Variants in LPP observed in about 807,000 individuals in gnomAD.
LPP encodes lipoma-preferred partner.
A neutral mutation model predicts 60.4 loss-of-function variants in LPP; 38 were observed. The observed-to-expected ratio is 0.63, with a 90% CI of 0.49 to 0.83. The LOEUF is 0.83. Ranked by LOEUF, LPP falls within the 40% of genes least tolerant of loss-of-function variation. The pLI is 0.00. For missense variants in LPP, 902 were observed against 783.6 expected, an observed-to-expected ratio of 1.15 and a Z score of -1.80; for synonymous variants, 328 against 290.8, an observed-to-expected ratio of 1.13 and a Z score of -1.30.
chr3:188,622,397 T>C (rs2151576595), intron 7 of LPP, among the ~76,000 whole-genome samples: 1 of 152,352 alleles, frequency 6.6e-6, no homozygotes, highest in Non-Finnish European at 1.5e-5. Context: ...GCACATGAGC[T>C]GCTTACAACG....
chr3:188,371,112 A>G (rs1229465928), intron 3 of LPP, among the ~76,000 whole-genome samples: 1 of 152,054 alleles, frequency 6.6e-6, no homozygotes, highest in Non-Finnish European at 1.5e-5. Context: ...CCTTCTCTGT[A>G]TGGTGCTGTA....
At chr3:188,603,776 T>C (rs12107766) in intron 6 of LPP, among the ~76,000 whole-genome samples, 43,682 of 151,824 alleles carry the variant, frequency 0.29, 6,664 homozygotes, top group Non-Finnish European at 0.33. Context: ...GTCATGAAAA[T>C]ATAATTGAAA....
chr3:188,271,705 T>A (rs1737789976), intron 2 of LPP, among the ~76,000 whole-genome samples: 2 of 152,192 alleles, frequency 1.3e-5, no homozygotes. Flanking sequence ...TTTCTGCTTC[T>A]TTGGGAGAGG....
At chr3:188,155,734 C>T (rs960456577) in intron 1 of LPP, among the ~76,000 whole-genome samples, 2 of 152,142 alleles carry the variant, frequency 1.3e-5, no homozygotes, top group Non-Finnish European at 2.9e-5. Context: ...AGTGTGTGGG[C>T]CAGGCACGGT....
intron 9 of LPP, among the ~76,000 whole-genome samples, chr3:188,843,430 T>C (rs1760540374): frequency 6.6e-6 from 1 of 152,126 alleles, no homozygotes; most frequent in South Asian, 2.1e-4. Flanking sequence ...TCTTCATCAG[T>C]AAAATGTTTG....
intron 5 of LPP, among the ~76,000 whole-genome samples, chr3:188,520,123 A>G (rs1158344086): frequency 2.6e-5 from 4 of 152,236 alleles, no homozygotes; most frequent in Non-Finnish European, 5.9e-5. Context: ...TCAAGTCATA[A>G]TAAGTCCCAA....
At chr3:188,868,748 T>A (rs79265779) in intron 10 of LPP, among the ~76,000 whole-genome samples, 5,475 of 152,318 alleles carry the variant, frequency 0.036, 143 homozygotes, top group Non-Finnish European at 0.049. Context: ...GGGCCTTGTT[T>A]GTGGTCCTTT....
chr3:188,594,568 G>A (rs948404569), intron 6 of LPP, among the ~76,000 whole-genome samples: 2 of 152,136 alleles, frequency 1.3e-5, no homozygotes, highest in East Asian at 3.9e-4. Flanking sequence ...AACATTCCTG[G>A]TAATTAGAAA....
intron 3 of LPP, among the ~76,000 whole-genome samples, chr3:188,363,596 G>A (rs1223257733): frequency 2.6e-5 from 4 of 151,974 alleles, no homozygotes; most frequent in Non-Finnish European, 5.9e-5. Flanking sequence ...GCCCTCCTTC[G>A]ACTGAGCTCT....
Position 188,578,924 on chromosome 3 carries a change from T to C in LPP, c.430-30237T>C, listed in dbSNP as rs1034529761. Among the ~76,000 whole-genome samples the C allele has an allele frequency of 6.6e-5, 10 of 152,300 alleles. 1 individual carries two copies. The highest frequency in any genetic ancestry group is 2.0e-4 in the Admixed American group (3 of 15,286). On this transcript the variant is annotated intron_variant, in intron 6 of 11. Coordinates refer to ENST00000617246, the MANE Select transcript of LPP (RefSeq NM_001375462.1). ...GTGTAGCTGATATTAATGTTATAAATGGTCATTCCTAATCCTGTCTCAGTT... is the reference window on the plus strand; with the variant it reads ...GTGTAGCTGATATTAATGTTATAAACGGTCATTCCTAATCCTGTCTCAGTT...
At chr3:188,512,923 CA>C (rs1579517258) in intron 5 of LPP, among the ~76,000 whole-genome samples, 1 of 152,052 alleles carries the variant, frequency 6.6e-6, no homozygotes, top group East Asian at 1.9e-4. Context: ...AAAACAAAAT[CA>C]ATAGCAAAAT....
chr3:188,552,707 T>C (rs776627439), intron 6 of LPP, among the ~76,000 whole-genome samples: 1 of 152,182 alleles, frequency 6.6e-6, no homozygotes, highest in Non-Finnish European at 1.5e-5. Flanking sequence ...TCTTTCATAG[T>C]CATGTCTCTC....
chr3:188,178,894 G>C (rs1311648360), intron 1 of LPP: 1 of 231,330 alleles, frequency 4.3e-6, no homozygotes, highest in African/African-American at 2.3e-5. Context: ...GGGTGGGTGA[G>C]AGAGTCCATC....
chr3:188,604,195 A>G (rs1841982185), intron 6 of LPP, among the ~76,000 whole-genome samples: 2 of 152,146 alleles, frequency 1.3e-5, no homozygotes, highest in African/African-American at 4.8e-5. Context: ...TCTAGTAAGC[A>G]GCTCAATGCC....
At chr3:188,633,220 T>C (rs1848156249) in intron 7 of LPP, among the ~76,000 whole-genome samples, 1 of 152,198 alleles carries the variant, frequency 6.6e-6, no homozygotes, top group African/African-American at 2.4e-5. Flanking sequence ...CCACATATGC[T>C]GGTAGCACAC....
rs569879206 is a variant in LPP at position 188,728,847 on chromosome 3, T to A, written c.1240+20454T>A. On this transcript the variant is annotated intron_variant, in intron 8 of 11. Coordinates refer to ENST00000617246, the MANE Select transcript of LPP (RefSeq NM_001375462.1). ...ATGTCCATCTCTGTCTTAGGTGGGG[T>A]GAATTAGAATTACTATAAGTGCTTT... is the stretch of plus-strand genomic sequence containing the variant. 3.3e-5 allele frequency among the ~76,000 whole-genome samples: 5 copies of A among 151,216 alleles called. No homozygotes were observed. The South Asian group carries it at 1.1e-3, about 32-fold the overall frequency.
At chr3:188,262,329 T>G (rs1171611004) in intron 2 of LPP, among the ~76,000 whole-genome samples, 3 of 129,910 alleles carry the variant, frequency 2.3e-5, no homozygotes, top group Admixed American at 7.5e-5. Context: ...GAAAATAGTG[T>G]TTTTTTTTTT....
intron 9 of LPP, among the ~76,000 whole-genome samples, chr3:188,864,036 C>T (rs1237957061): frequency 6.6e-6 from 1 of 151,656 alleles, no homozygotes; most frequent in Non-Finnish European, 1.5e-5. Flanking sequence ...CACATTAGCT[C>T]ACATTGTCAG....
chr3:188,788,558 A>G lies in LPP; in HGVS notation c.1410+28276A>G, dbSNP rs1369353706. Among the ~76,000 whole-genome samples the G allele has an allele frequency of 3.3e-5, 5 of 152,290 alleles. No individual in the cohort carries two copies. The South Asian group carries it at 8.3e-4, about 25-fold the overall frequency. On this transcript the variant is annotated intron_variant, in intron 9 of 11. Coordinates refer to ENST00000617246, the MANE Select transcript of LPP (RefSeq NM_001375462.1). ...TGTATTTAAATTACCTATTTGACAC[A>G]TACCTCAGTAGCTATACATTTTCCC... is the stretch of plus-strand genomic sequence containing the variant.
Sources: gnomAD v4.1 joint callset for allele counts (sites outside exome capture counted in the v4.1 genomes callset) on GRCh38, gnomAD v4.1.1 for gene constraint, MANE v1.5 for transcripts, NCBI Gene and HGNC (gene_info 2026-07-23, HGNC 2026-07-21) for gene names.